Variants in RGS17 observed in about 807,000 individuals in gnomAD.
The protein encoded by RGS17 is regulator of G-protein signaling 17.
RGS17 carries 12 observed loss-of-function variants against 25.5 expected under a neutral mutation model. The ratio of observed to expected loss-of-function variants is 0.47; its 90% CI spans 0.30 to 0.76. RGS17 has a LOEUF of 0.76. Among genes scored for constraint, RGS17 ranks in the 30% least tolerant of loss-of-function variants. The pLI is 0.07. For synonymous variants in RGS17, 71 were observed against 76.9 expected, an observed-to-expected ratio of 0.92 and a Z score of 0.40; for missense variants, 196 against 242.2, an observed-to-expected ratio of 0.81 and a Z score of 1.27.
chr6:153,021,554 CTTGT>C (rs1323739119), intron 4 of RGS17, among the ~76,000 whole-genome samples: 5 of 152,116 alleles, frequency 3.3e-5, no homozygotes, highest in African/African-American at 1.2e-4. Flanking sequence ...TCTACTTTTG[CTTGT>C]TTGTTTTTGC....
At chr6:153,016,159 T>G (rs6928032) in intron 4 of RGS17, among the ~76,000 whole-genome samples, 4,332 of 152,318 alleles carry the variant, frequency 0.028, 206 homozygotes, top group African/African-American at 0.098. Flanking sequence ...CAGTTTTTAT[T>G]TTCTGTTATT....
chr6:153,027,301 A>G (rs192338623), intron 2 of RGS17, among the ~76,000 whole-genome samples: 7 of 152,268 alleles, frequency 4.6e-5, no homozygotes, highest in African/African-American at 7.2e-5. Flanking sequence ...GAATTGTCCA[A>G]TGACAATTGC....
intron 1 of RGS17, among the ~76,000 whole-genome samples, chr6:153,085,054 C>T (rs940817589): frequency 3.9e-5 from 6 of 152,218 alleles, no homozygotes; most frequent in African/African-American, 1.4e-4. Context: ...TTAATTTACG[C>T]TCAGTCTTCT....
intron 1 of RGS17, among the ~76,000 whole-genome samples, chr6:153,087,538 C>A (rs2129120808): frequency 6.6e-6 from 1 of 152,306 alleles, no homozygotes; most frequent in South Asian, 2.1e-4. Context: ...AAAATCATTT[C>A]TAGGCTTTGC....
At chr6:153,037,072 GTTC>G (rs993222589) in intron 2 of RGS17, among the ~76,000 whole-genome samples, 38 of 151,868 alleles carry the variant, frequency 2.5e-4, no homozygotes, top group African/African-American at 8.5e-4. Context: ...CTTCTATTTT[GTTC>G]TTCTTGACTT....
At chr6:153,107,858 C>CTGCT (rs1372885864) in intron 1 of RGS17, among the ~76,000 whole-genome samples, 2 of 152,172 alleles carry the variant, frequency 1.3e-5, no homozygotes, top group Non-Finnish European at 2.9e-5. Context: ...CCCTTAGCAG[C>CTGCT]AATCAAATCC....
chr6:153,107,188 C>T (rs1268705188), intron 1 of RGS17, among the ~76,000 whole-genome samples: 1 of 151,802 alleles, frequency 6.6e-6, no homozygotes, highest in Admixed American at 6.6e-5. Context: ...CAAAAATTAG[C>T]CGGGCATGGT....
chr6:153,064,073 CCTAT>C (rs1472705021), intron 1 of RGS17, among the ~76,000 whole-genome samples: 1 of 152,098 alleles, frequency 6.6e-6, no homozygotes, highest in East Asian at 1.9e-4. Context: ...CAACACTAGA[CCTAT>C]CTTACAAGAA....
At chr6:153,064,600 A>G (rs1247238665) in intron 1 of RGS17, among the ~76,000 whole-genome samples, 2 of 151,778 alleles carry the variant, frequency 1.3e-5, no homozygotes, top group Non-Finnish European at 2.9e-5. Context: ...ACTACAGTCC[A>G]GCCTGGTCAA....
At chr6:153,056,132 A>C (rs1424458828) in intron 1 of RGS17, among the ~76,000 whole-genome samples, 1 of 152,224 alleles carries the variant, frequency 6.6e-6, no homozygotes, top group Non-Finnish European at 1.5e-5. Context: ...ACGTTTTCTA[A>C]AACAAGATGT....
chr6:153,127,566 G>A (rs1044091157), intron 1 of RGS17, among the ~76,000 whole-genome samples: 3 of 152,144 alleles, frequency 2.0e-5, no homozygotes, highest in African/African-American at 7.2e-5. Flanking sequence ...AAAGGGAGGA[G>A]CCACAATACA....
At chr6:153,070,728 C>T (rs1358614138) in intron 1 of RGS17, among the ~76,000 whole-genome samples, 1 of 144,108 alleles carries the variant, frequency 6.9e-6, no homozygotes, top group African/African-American at 2.6e-5. Context: ...TACACATATA[C>T]ATATACACAT....
intron 2 of RGS17, among the ~76,000 whole-genome samples, chr6:153,042,843 A>G (rs982810911): frequency 4.6e-5 from 7 of 152,176 alleles, no homozygotes; most frequent in African/African-American, 1.7e-4. Flanking sequence ...GTCATATCAA[A>G]AAAGAAACCT....
chr6:153,047,237 T>C (rs1776395870), intron 1 of RGS17, among the ~76,000 whole-genome samples: 1 of 152,084 alleles, frequency 6.6e-6, no homozygotes, highest in South Asian at 2.1e-4. Context: ...AGGGAAGGGG[T>C]AGAATATAAG....
At chr6:153,073,377 G>C (rs758912733) in intron 1 of RGS17, among the ~76,000 whole-genome samples, 1 of 152,112 alleles carries the variant, frequency 6.6e-6, no homozygotes, top group Non-Finnish European at 1.5e-5. Flanking sequence ...TCAGCTTGAG[G>C]TGCCACAGAC....
intron 1 of RGS17, among the ~76,000 whole-genome samples, chr6:153,062,698 C>T (rs1361119963): frequency 3.3e-5 from 5 of 152,174 alleles, no homozygotes; most frequent in African/African-American, 1.2e-4. Context: ...CTTCTAACCA[C>T]AGGCTGCACA....
At chr6:153,026,601 G>T in intron 2 of RGS17, 58 bp from the exon 3 acceptor site, 2 of 1,344,054 alleles carry the variant, frequency 1.5e-6, no homozygotes, top group East Asian at 4.6e-5. Flanking sequence ...TTGAAGAAAA[G>T]AATAAATTTT....
intron 1 of RGS17, among the ~76,000 whole-genome samples, chr6:153,088,487 C>A (rs566499395): frequency 5.3e-5 from 8 of 152,256 alleles, no homozygotes; most frequent in Middle Eastern, 3.4e-3. Context: ...AAATAAAGCA[C>A]ATTTTTCTTA....
intron 1 of RGS17, among the ~76,000 whole-genome samples, chr6:153,065,163 G>A (rs1776690144): frequency 6.6e-6 from 1 of 152,056 alleles, no homozygotes; most frequent in Non-Finnish European, 1.5e-5. Context: ...ACTTATATCA[G>A]TCAAAATGAA....
Sources: gnomAD v4.1 joint callset for allele counts (sites outside exome capture counted in the v4.1 genomes callset) on GRCh38, gnomAD v4.1.1 for gene constraint, MANE v1.5 for transcripts, NCBI Gene and HGNC (gene_info 2026-07-23, HGNC 2026-07-21) for gene names.